The following TMEM132D variants were observed in gnomAD, a reference collection of about 807,000 sequenced individuals.
TMEM132D encodes mature OL transmembrane protein.
A neutral mutation model predicts 62.3 loss-of-function variants in TMEM132D; 21 were observed. The ratio of observed to expected loss-of-function variants is 0.34; its 90% CI spans 0.24 to 0.49. The LOEUF is 0.49. TMEM132D is among the 20% of genes least tolerant of loss of function. The pLI is 0.99. For synonymous variants in TMEM132D, 621 were observed against 575.6 expected, an observed-to-expected ratio of 1.08 and a Z score of -1.13; for missense variants, 1,346 against 1,402.8, an observed-to-expected ratio of 0.96 and a Z score of 0.65.
In TMEM132D at chr12:129,868,809, G is replaced by T. The variant is rs552180681; in HGVS notation, c.79+34452C>A. 3.9e-5 allele frequency among the ~76,000 whole-genome samples: 6 copies of T among 152,288 alleles called. 1 individual carries two copies. The highest frequency in any genetic ancestry group is 1.4e-4 in the African/African-American group (6 of 41,552). ...TCTCTTCCCACCCTGCCCCCAGGGT[G>T]TTTTGGCTACCATGCAGCAGAAGGA... On this transcript the variant is annotated intron_variant, in intron 1 of 8. Transcript: ENST00000422113.
chr12:129,896,621 G>A (rs1875144811), intron 1 of TMEM132D, among the ~76,000 whole-genome samples: 3 of 152,122 alleles, frequency 2.0e-5, no homozygotes, highest in Admixed American at 2.0e-4. Flanking sequence ...AACATTTAAT[G>A]TCACTCTCGT....
At position 129,700,081 on chromosome 12, in the gene TMEM132D, C is replaced by G; in HGVS notation, c.697G>C (p.Gly233Arg). Residue 233 changes from glycine to arginine, a missense_variant, in exon 2 of 9, where the codon GGG (glycine) becomes CGG (arginine). Physicochemically the swap from Gly to Arg is moderately radical, Grantham distance 125. Transcript: ENST00000422113. ...CTGACGCAGTCCCCTCTCTCACCCC[C>G]TGGGTGCACGGTGTAGTAGAGCTCC... ...PVELYYTVHP[G>R]GERGDCVRED... 6.2e-7 allele frequency: 1 copy of G among 1,613,704 alleles called. No homozygotes were observed. Among genetic ancestry groups the G allele is most frequent in the Non-Finnish European group, 8.5e-7 (1 of 1,180,028 alleles).
intron 1 of TMEM132D, among the ~76,000 whole-genome samples, chr12:129,733,676 A>G (rs1869325255): frequency 6.6e-6 from 1 of 151,590 alleles, no homozygotes; most frequent in Non-Finnish European, 1.5e-5. Context: ...TCTGGTTACT[A>G]AATGGAGATG....
At chr12:129,710,442 C>T (rs1288290289) in intron 1 of TMEM132D, among the ~76,000 whole-genome samples, 1 of 151,954 alleles carries the variant, frequency 6.6e-6, no homozygotes, top group Admixed American at 6.6e-5. Flanking sequence ...ATTACAGGTG[C>T]CTGCCACCAC....
intron 1 of TMEM132D, among the ~76,000 whole-genome samples, chr12:129,764,526 A>G (rs1024693438): frequency 1.3e-5 from 2 of 152,132 alleles, no homozygotes; most frequent in Non-Finnish European, 2.9e-5. Context: ...TCAATATCAC[A>G]TTCCTTGTTA....
intron 1 of TMEM132D, among the ~76,000 whole-genome samples, chr12:129,894,007 C>T (rs1875022142): frequency 6.6e-6 from 1 of 152,226 alleles, no homozygotes; most frequent in African/African-American, 2.4e-5. Flanking sequence ...CCACCAGCAT[C>T]AGATGAGGCT....
chr12:129,174,304 C>T (rs1158537857), intron 5 of TMEM132D, among the ~76,000 whole-genome samples: 9 of 152,102 alleles, frequency 5.9e-5, no homozygotes, highest in Non-Finnish European at 1.3e-4. Context: ...GTTCAACTCG[C>T]ACTTATGAGT....
At chr12:129,107,340 T>C (rs1193152096) in intron 5 of TMEM132D, among the ~76,000 whole-genome samples, 1 of 152,250 alleles carries the variant, frequency 6.6e-6, no homozygotes, top group African/African-American at 2.4e-5. Context: ...AAGGTAATTT[T>C]ATTAAGATTA....
chr12:129,678,352 A>G (rs1880691535), intron 2 of TMEM132D, among the ~76,000 whole-genome samples: 1 of 152,192 alleles, frequency 6.6e-6, no homozygotes, highest in Non-Finnish European at 1.5e-5. Context: ...TATGGTAATT[A>G]TAACATTGAA....
At chr12:129,304,037 T>A (rs1442068144) in intron 4 of TMEM132D, among the ~76,000 whole-genome samples, 1 of 152,206 alleles carries the variant, frequency 6.6e-6, no homozygotes, top group African/African-American at 2.4e-5. Flanking sequence ...TTACTTGGTA[T>A]ACTGATTTAA....
chr12:129,585,306 A>C (rs1877993467), intron 2 of TMEM132D, among the ~76,000 whole-genome samples: 2 of 152,246 alleles, frequency 1.3e-5, no homozygotes, highest in African/African-American at 4.8e-5. Flanking sequence ...CACATTCTAC[A>C]TAGCAGGGAT....
chr12:129,489,226 TTC>T (rs1010314745), intron 3 of TMEM132D, among the ~76,000 whole-genome samples: 4 of 152,226 alleles, frequency 2.6e-5, no homozygotes, highest in Admixed American at 6.5e-5. Context: ...TGACTCTTTT[TTC>T]TCTGTGTCAC....
chr12:129,149,330 C>T (rs1040277451), intron 5 of TMEM132D, among the ~76,000 whole-genome samples: 3 of 151,926 alleles, frequency 2.0e-5, no homozygotes, highest in Non-Finnish European at 4.4e-5. Flanking sequence ...ACCACCATGG[C>T]GCAGGTACAC....
chr12:129,354,969 T>C (rs1386734996), intron 3 of TMEM132D, among the ~76,000 whole-genome samples: 2 of 152,220 alleles, frequency 1.3e-5, no homozygotes, highest in African/African-American at 2.4e-5. Flanking sequence ...AGAGCTTACC[T>C]GAGACCCAGA....
intron 4 of TMEM132D, among the ~76,000 whole-genome samples, chr12:129,265,593 T>A (rs920904906): frequency 1.3e-5 from 2 of 151,968 alleles, no homozygotes; most frequent in Non-Finnish European, 2.9e-5. Flanking sequence ...CCGTTCGGGC[T>A]CCCCATGGCT....
At chr12:129,427,288 G>A (rs889682039) in intron 3 of TMEM132D, among the ~76,000 whole-genome samples, 1 of 151,830 alleles carries the variant, frequency 6.6e-6, no homozygotes, top group Non-Finnish European at 1.5e-5. Flanking sequence ...TTTTTCAGAT[G>A]AAGTCCAATG....
chr12:129,183,278 C>T (rs1878117557), intron 5 of TMEM132D, among the ~76,000 whole-genome samples: 1 of 152,198 alleles, frequency 6.6e-6, no homozygotes, highest in African/African-American at 2.4e-5. Context: ...GCCAAAGAGT[C>T]CTTCATGTCA....
At chr12:129,569,020 T>C (rs1462821885) in intron 2 of TMEM132D, among the ~76,000 whole-genome samples, 1 of 152,198 alleles carries the variant, frequency 6.6e-6, no homozygotes, top group Non-Finnish European at 1.5e-5. Context: ...CAGGAGAATT[T>C]GTACATCTAA....
At chr12:129,538,399 T>A (rs1377621470) in intron 2 of TMEM132D, among the ~76,000 whole-genome samples, 1 of 152,158 alleles carries the variant, frequency 6.6e-6, no homozygotes, top group African/African-American at 2.4e-5. Context: ...GAGTATGATA[T>A]GAATGGGGCC....
Sources: allele counts gnomAD v4.1 joint callset (sites outside exome capture counted in the v4.1 genomes callset), GRCh38; gene constraint gnomAD v4.1.1; transcripts MANE v1.5; gene names NCBI Gene and HGNC (gene_info 2026-07-23, HGNC 2026-07-21).